Variants in SYNDIG1L observed in about 807,000 individuals in gnomAD.
The protein encoded by SYNDIG1L is synapse differentiation-inducing gene protein 1-like.
Under a neutral mutation model 20.1 loss-of-function variants are expected in SYNDIG1L, and 13 were observed. The ratio of observed to expected loss-of-function variants is 0.65; its 90% CI spans 0.42 to 1.03. SYNDIG1L has a LOEUF of 1.03. Among genes scored for constraint, SYNDIG1L ranks in the 50% least tolerant of loss-of-function variants. The pLI is 0.00. For synonymous variants in SYNDIG1L, 128 were observed against 129.3 expected, an observed-to-expected ratio of 0.99 and a Z score of 0.07; for missense variants, 294 against 305.1, an observed-to-expected ratio of 0.96 and a Z score of 0.27.
chr14:74,459,282 G>T, the SYNDIG1L span, among the ~76,000 whole-genome samples: 1 of 152,290 alleles, frequency 6.6e-6, no homozygotes, highest in South Asian at 2.1e-4. Context: ...TTGGGAGGCT[G>T]AGGCGGGCAG....
At chr14:74,478,129 C>G in the SYNDIG1L span, among the ~76,000 whole-genome samples, 1 of 152,124 alleles carries the variant, frequency 6.6e-6, no homozygotes, top group Non-Finnish European at 1.5e-5. Flanking sequence ...TTAGTGCTTC[C>G]CCACCCTTTT....
At chr14:74,463,516 C>T in the SYNDIG1L span, among the ~76,000 whole-genome samples, 3 of 152,166 alleles carry the variant, frequency 2.0e-5, no homozygotes, top group Admixed American at 6.5e-5. Flanking sequence ...TTCCCACTGT[C>T]GTCAGTTCAG....
At chr14:74,447,485 G>C in the SYNDIG1L span, among the ~76,000 whole-genome samples, 1 of 151,986 alleles carries the variant, frequency 6.6e-6, no homozygotes, top group Non-Finnish European at 1.5e-5. Context: ...TACTTGAGAG[G>C]CTGAGGCTGG....
chr14:74,410,739 C>T (rs2086124063), intron 1 of SYNDIG1L, among the ~76,000 whole-genome samples: 1 of 152,138 alleles, frequency 6.6e-6, no homozygotes, highest in Non-Finnish European at 1.5e-5. Flanking sequence ...CAGAGCTTGG[C>T]ACACGGCATG....
the SYNDIG1L span, among the ~76,000 whole-genome samples, chr14:74,442,083 G>A: frequency 6.6e-6 from 1 of 152,048 alleles, no homozygotes; most frequent in African/African-American, 2.4e-5. Flanking sequence ...ATGTAACGTG[G>A]GGTTAATAAT....
At chr14:74,432,845 T>C in the SYNDIG1L span, among the ~76,000 whole-genome samples, 1 of 151,116 alleles carries the variant, frequency 6.6e-6, no homozygotes, top group Non-Finnish European at 1.5e-5. Context: ...CAGAGGGAGA[T>C]TCTGTCTCAA....
intron 1 of SYNDIG1L, among the ~76,000 whole-genome samples, chr14:74,412,056 C>T (rs984762810): frequency 1.3e-5 from 2 of 152,210 alleles, no homozygotes; most frequent in Non-Finnish European, 2.9e-5. Flanking sequence ...CAGGCTTGGG[C>T]AGGTCATGCA....
Position 74,409,609 on chromosome 14 carries a change from C to T in SYNDIG1L, c.136G>A (p.Ala46Thr), listed in dbSNP as rs201967063. 1.3e-5 allele frequency: 19 copies of T among 1,508,562 alleles called. No homozygotes were observed. The highest frequency in any genetic ancestry group is 4.7e-5 in the East Asian group (2 of 42,584). The allele number at this position is 1,508,562 out of a possible 1,614,324, so 93.4% of individuals were successfully genotyped here. Reference sequence around the variant, plus strand: ...AGCTGGTGGGCTCCGGCAGGCCCAGCGCCACCTAGGAGGTAGGAGTAGAGC... The same window carrying T: ...AGCTGGTGGGCTCCGGCAGGCCCAGTGCCACCTAGGAGGTAGGAGTAGAGC... ...EKLYSYLLGG[A>T]GPAGAHQLLD... Residue 46 changes from alanine (A) to threonine (T), a missense_variant, in exon 2 of 4, where the codon GCT becomes ACT. Physicochemically the swap from Ala to Thr is moderately conservative, Grantham distance 58. Transcript: ENST00000331628.
chr14:74,476,686 C>T, the SYNDIG1L span: 4 of 880,896 alleles, frequency 4.5e-6, no homozygotes, highest in African/African-American at 1.7e-5. Flanking sequence ...CTTCCAGGAC[C>T]CTTGAGCCAC....
chr14:74,430,712 G>A (rs1442050756), upstream of SYNDIG1L, among the ~76,000 whole-genome samples: 4 of 152,010 alleles, frequency 2.6e-5, no homozygotes, highest in African/African-American at 9.7e-5. Context: ...TGGGATTGCA[G>A]GCGTAAGCCA....
the SYNDIG1L span, among the ~76,000 whole-genome samples, chr14:74,442,647 A>G: frequency 1.3e-5 from 2 of 152,200 alleles, no homozygotes; most frequent in Admixed American, 6.5e-5. Flanking sequence ...CTAGCTAACA[A>G]TAGATTTTGG....
the SYNDIG1L span, among the ~76,000 whole-genome samples, chr14:74,463,484 C>T: frequency 7.9e-5 from 12 of 152,322 alleles, no homozygotes; most frequent in East Asian, 2.3e-3. Flanking sequence ...GCCCCATAGA[C>T]TGTCTCATGG....
the SYNDIG1L span, among the ~76,000 whole-genome samples, chr14:74,460,278 G>A: frequency 3.5e-4 from 53 of 152,128 alleles, no homozygotes; most frequent in African/African-American, 1.0e-3. Flanking sequence ...CCGTGGATCC[G>A]TCTTGTTCAC....
intron 1 of SYNDIG1L, among the ~76,000 whole-genome samples, chr14:74,424,906 T>C (rs749848303): frequency 6.6e-6 from 1 of 151,942 alleles, no homozygotes; most frequent in Admixed American, 6.6e-5. Context: ...GAGGATGAGG[T>C]TGAAAGAGCT....
chr14:74,412,218 G>A (rs967265147), intron 1 of SYNDIG1L, among the ~76,000 whole-genome samples: 1 of 152,216 alleles, frequency 6.6e-6, no homozygotes, highest in Non-Finnish European at 1.5e-5. Flanking sequence ...CAGAGGCCTT[G>A]CTGGGCTGGG....
At chr14:74,418,306 G>T (rs2086193594) in intron 1 of SYNDIG1L, among the ~76,000 whole-genome samples, 1 of 152,152 alleles carries the variant, frequency 6.6e-6, no homozygotes, top group African/African-American at 2.4e-5. Flanking sequence ...TGGCGAGGGG[G>T]GCGAGGTTGG....
the SYNDIG1L span, among the ~76,000 whole-genome samples, chr14:74,441,325 A>T: frequency 2.6e-5 from 4 of 152,166 alleles, no homozygotes; most frequent in Non-Finnish European, 5.9e-5. Flanking sequence ...CTTTTGACAG[A>T]TTGAACTTTG....
chr14:74,408,381 T>A (rs539626590), intron 2 of SYNDIG1L, among the ~76,000 whole-genome samples: 1 of 152,054 alleles, frequency 6.6e-6, no homozygotes, highest in East Asian at 1.9e-4. Context: ...CTGGCCAACA[T>A]GATGAAACTC....
chr14:74,442,048 C>T, the SYNDIG1L span, among the ~76,000 whole-genome samples: 1 of 152,222 alleles, frequency 6.6e-6, no homozygotes, highest in Admixed American at 6.5e-5. Context: ...ATGACTTAAC[C>T]TCTCCGAACC....
Sources: allele counts gnomAD v4.1 joint callset (sites outside exome capture counted in the v4.1 genomes callset), GRCh38; gene constraint gnomAD v4.1.1; transcripts MANE v1.5; gene names NCBI Gene and HGNC (gene_info 2026-07-23, HGNC 2026-07-21).